The following RSU1 variants were observed in gnomAD, a reference collection of about 807,000 sequenced individuals.
The protein encoded by RSU1 is rsu-1.
RSU1 carries 26 observed loss-of-function variants against 31.1 expected under a neutral mutation model. That is an observed-to-expected ratio of 0.84 (90% CI 0.61 to 1.16). RSU1 has a LOEUF of 1.16. Ranked by LOEUF, RSU1 falls within the 50% of genes most tolerant of loss-of-function variation. The pLI, the probability that RSU1 is intolerant of heterozygous loss-of-function variation, is 0.00. For missense variants in RSU1, 320 were observed against 339.1 expected (o/e 0.94, Z 0.44); for synonymous variants, 164 against 136.3 (o/e 1.20, Z -1.41).
chr10:16,731,489 C>A lies in RSU1; in HGVS notation c.598+21050G>T, dbSNP rs538518244. On this transcript the variant is annotated intron_variant, in intron 7 of 8. Coordinates refer to ENST00000345264, the MANE Select transcript of RSU1 (RefSeq NM_012425.4). ...TATTTATACTAACCTTTTCTGAGTT[C>A]CTGATTATTTCTTGATGATAGAATT... Among the ~76,000 whole-genome samples the A allele has an allele frequency of 2.7e-3, 411 of 151,864 alleles. 2 individuals are homozygous for A. Among genetic ancestry groups the A allele is most frequent in the Non-Finnish European group, 4.7e-3 (316 of 67,954 alleles).
At chr10:16,717,550 A>C (rs1033138674) in intron 7 of RSU1, among the ~76,000 whole-genome samples, 11 of 152,252 alleles carry the variant, frequency 7.2e-5, no homozygotes, top group Admixed American at 3.3e-4. Flanking sequence ...TTATTTCCAT[A>C]TAACCATGTA....
intron 2 of RSU1, among the ~76,000 whole-genome samples, chr10:16,806,825 C>T (rs1459514465): frequency 2.6e-5 from 4 of 152,128 alleles, no homozygotes; most frequent in Non-Finnish European, 2.9e-5. Flanking sequence ...GTGATCTTAG[C>T]CCACTGGAGC....
intron 8 of RSU1, among the ~76,000 whole-genome samples, chr10:16,659,075 T>A (rs1292107954): frequency 6.6e-6 from 1 of 152,238 alleles, no homozygotes; most frequent in Non-Finnish European, 1.5e-5. Flanking sequence ...ATACCTTTTA[T>A]CAATTTATCT....
chr10:16,660,810 C>A (rs185433775), intron 8 of RSU1, among the ~76,000 whole-genome samples: 198 of 151,896 alleles, frequency 1.3e-3, no homozygotes, highest in Middle Eastern at 3.4e-3. Context: ...CTACGCCCAG[C>A]TAATTTTTGT....
chr10:16,798,683 A>G (rs1290587469), intron 2 of RSU1, among the ~76,000 whole-genome samples: 1 of 152,214 alleles, frequency 6.6e-6, no homozygotes, highest in Non-Finnish European at 1.5e-5. Flanking sequence ...AGCAGTATGA[A>G]AACAGACTAA....
chr10:16,685,911 A>G (rs529142155), intron 8 of RSU1, among the ~76,000 whole-genome samples: 6 of 152,330 alleles, frequency 3.9e-5, no homozygotes, highest in Non-Finnish European at 1.5e-5. Context: ...AGTCTTATAA[A>G]CAAATAATAT....
chr10:16,623,548 T>A (rs185125426), intron 8 of RSU1, among the ~76,000 whole-genome samples: 2 of 152,330 alleles, frequency 1.3e-5, no homozygotes, highest in African/African-American at 4.8e-5. Context: ...TACCCACCAA[T>A]GGGATTGCTG....
chr10:16,608,614 G>A (rs1316685451), intron 8 of RSU1, among the ~76,000 whole-genome samples: 1 of 152,050 alleles, frequency 6.6e-6, no homozygotes, highest in Non-Finnish European at 1.5e-5. Context: ...TGTGCAGAAA[G>A]AGCAAAGTGG....
At chr10:16,611,521 C>G (rs1201095962) in intron 8 of RSU1, among the ~76,000 whole-genome samples, 1 of 152,176 alleles carries the variant, frequency 6.6e-6, no homozygotes, top group Non-Finnish European at 1.5e-5. Flanking sequence ...CTTCATTATT[C>G]TTTTGACAAC....
intron 4 of RSU1, among the ~76,000 whole-genome samples, chr10:16,762,294 T>TTA (rs57480136): frequency 6.5e-4 from 97 of 149,768 alleles, no homozygotes; most frequent in East Asian, 1.6e-3. Context: ...GATTGAGATT[T>TTA]TATATATATA....
At chr10:16,779,582 GA>G (rs1451746991) in intron 3 of RSU1, among the ~76,000 whole-genome samples, 2 of 151,970 alleles carry the variant, frequency 1.3e-5, no homozygotes, top group African/African-American at 4.8e-5. Flanking sequence ...CATACTAAGA[GA>G]AAAACATGAA....
chr10:16,621,085 A>G (rs536168683), intron 8 of RSU1, among the ~76,000 whole-genome samples: 5 of 152,320 alleles, frequency 3.3e-5, no homozygotes, highest in Non-Finnish European at 7.4e-5. Flanking sequence ...TGTGTGACTT[A>G]TTTGTGACAC....
At chr10:16,603,402 C>G (rs1432280825) in intron 8 of RSU1, among the ~76,000 whole-genome samples, 2 of 152,202 alleles carry the variant, frequency 1.3e-5, no homozygotes, top group Non-Finnish European at 1.5e-5. Context: ...ACTTCATCAT[C>G]CTGTCTACTC....
chr10:16,627,267 A>C (rs1834174474), intron 8 of RSU1, among the ~76,000 whole-genome samples: 1 of 152,236 alleles, frequency 6.6e-6, no homozygotes, highest in Non-Finnish European at 1.5e-5. Flanking sequence ...TGTACTCAAC[A>C]GTCAATTCTA....
intron 8 of RSU1, among the ~76,000 whole-genome samples, chr10:16,685,102 T>G (rs144617491): frequency 2.1e-3 from 317 of 151,968 alleles, no homozygotes; most frequent in African/African-American, 7.3e-3. Context: ...ACAAAAAAAT[T>G]AGCTGGGCAT....
intron 7 of RSU1, chr10:16,721,499 G>T (rs189651360): frequency 7.5e-4 from 115 of 152,350 alleles, no homozygotes; most frequent in African/African-American, 2.5e-3. Flanking sequence ...TCTGTACAGA[G>T]CAACAGTCAT....
At chr10:16,697,987 C>CTTTTTTTTTTTTT (rs67816326) in intron 7 of RSU1, among the ~76,000 whole-genome samples, 6 of 99,580 alleles carry the variant, frequency 6.0e-5, no homozygotes, top group African/African-American at 2.5e-4. Flanking sequence ...AGGAACACAC[C>CTTTTTTTTTTTTT]TTTTTTTTTT....
intron 8 of RSU1, among the ~76,000 whole-genome samples, chr10:16,657,804 C>T (rs556308871): frequency 1.3e-5 from 2 of 152,002 alleles, no homozygotes; most frequent in African/African-American, 4.8e-5. Context: ...ACAAGCCTGG[C>T]CAACATGGTG....
chr10:16,612,285 C>A (rs1216356192), intron 8 of RSU1, among the ~76,000 whole-genome samples: 3 of 152,144 alleles, frequency 2.0e-5, no homozygotes, highest in African/African-American at 7.2e-5. Flanking sequence ...TAGCAAATGG[C>A]AGAGAACATA....
Sources: gnomAD v4.1 joint callset for allele counts (sites outside exome capture counted in the v4.1 genomes callset) on GRCh38, gnomAD v4.1.1 for gene constraint, MANE v1.5 for transcripts, NCBI Gene and HGNC (gene_info 2026-07-23, HGNC 2026-07-21) for gene names.